The following C3orf18 variants were observed in gnomAD, a reference collection of about 807,000 sequenced individuals.
C3orf18 encodes uncharacterized protein C3orf18.
In C3orf18, 12 loss-of-function variants were observed where a neutral mutation model predicts 14.1. The observed-to-expected ratio is 0.85, with a 90% CI of 0.55 to 1.38. The LOEUF (loss-of-function observed/expected upper bound fraction) is 1.38, where lower values mean the gene tolerates loss of function less well. Ranked by LOEUF, C3orf18 falls within the 40% of genes most tolerant of loss-of-function variation. C3orf18 has a pLI of 0.00. For missense variants in C3orf18, 196 were observed against 213.9 expected, an observed-to-expected ratio of 0.92 and a Z score of 0.52; for synonymous variants, 82 against 87.9, an observed-to-expected ratio of 0.93 and a Z score of 0.38.
At chr3:50,560,858 G>C in intron 5 of C3orf18, 59 bp downstream of exon 5, 1 of 1,526,928 alleles carries the variant, frequency 6.5e-7, no homozygotes, top group Non-Finnish European at 8.9e-7. Context: ...AAGGAGGGAG[G>C]GTGAGGGTGG....
At chr3:50,572,303 C>A (rs1265037926), upstream of C3orf18, 3 of 1,399,622 alleles carry the variant, frequency 2.1e-6, no homozygotes, top group East Asian at 2.5e-5. Context: ...CACTGGGGCC[C>A]CATGACTTCA....
intron 3 of C3orf18, chr3:50,562,275 G>A (rs1054019503): frequency 1.1e-5 from 3 of 262,588 alleles, no homozygotes; most frequent in East Asian, 2.2e-4. Context: ...CCTCCAGCCT[G>A]GGAGCCCACA....
upstream of C3orf18, chr3:50,570,989 C>T (rs192895909): frequency 4.8e-4 from 352 of 726,054 alleles, 5 homozygotes; most frequent in East Asian, 0.01. Context: ...AGCTTGTGAC[C>T]TCTCCATCTC....
chr3:50,564,417 C>T (rs1336448770), intron 3 of C3orf18, among the ~76,000 whole-genome samples: 1 of 152,162 alleles, frequency 6.6e-6, no homozygotes, highest in Admixed American at 6.5e-5. Context: ...CTCTCCCCAG[C>T]CCCCTTCCTT....
chr3:50,558,951 G>C lies in C3orf18; in HGVS notation c.*706C>G, dbSNP rs1699806556. On this transcript the variant is annotated 3_prime_UTR_variant, in exon 6 of 6. Coordinates refer to ENST00000357203, the MANE Select transcript of C3orf18 (RefSeq NM_016210.5). ...TGCATGAGGCCTCTCGGCAGGTCTG[G>C]GGGGGCTGCATCCTTCCACTTCCAT... The C allele has an allele frequency of 3.9e-6, 5 of 1,287,544 alleles. No individual in the cohort carries two copies. The highest frequency in any genetic ancestry group is 3.7e-5 in the South Asian group (3 of 80,862). 79.8% of individuals were successfully genotyped at this position (1,287,544 alleles called of 1,614,324 possible). A position where few individuals can be genotyped will look rare whatever the true frequency, so the allele number is the denominator to read the frequency against.
At position 50,558,923 on chromosome 3, in the gene C3orf18, A is replaced by C. The variant is rs1436209345; in HGVS notation, c.*734T>G. The C allele has an allele frequency of 7.8e-7, 1 of 1,288,502 alleles. No individual in the cohort carries two copies. The highest frequency in any genetic ancestry group is 1.0e-6 in the Non-Finnish European group (1 of 987,968). 79.8% of individuals were successfully genotyped at this position (1,288,502 alleles called of 1,614,324 possible). On this transcript the variant is annotated 3_prime_UTR_variant, in exon 6 of 6. Coordinates refer to ENST00000357203, the MANE Select transcript of C3orf18 (RefSeq NM_016210.5). ...TGTCTGCCCATGGGCACACTCATGC[A>C]CATGCATGAGGCCTCTCGGCAGGTC... is the stretch of plus-strand genomic sequence containing the variant.
chr3:50,563,257 G>A (rs1387145157), intron 3 of C3orf18, among the ~76,000 whole-genome samples: 6 of 152,058 alleles, frequency 3.9e-5, no homozygotes, highest in Non-Finnish European at 5.9e-5. Flanking sequence ...GGTAGGCTGT[G>A]ACAGGAACTC....
upstream of C3orf18, chr3:50,571,820 G>C: frequency 2.5e-6 from 4 of 1,607,104 alleles, no homozygotes; most frequent in Non-Finnish European, 3.4e-6. Context: ...CCATGGATCA[G>C]ACCTGAAGGA....
upstream of C3orf18, chr3:50,570,607 G>C (rs1230490177): frequency 6.6e-6 from 1 of 152,532 alleles, no homozygotes; most frequent in Non-Finnish European, 1.5e-5. Flanking sequence ...TATGGATTAA[G>C]AAAGTGAAAA....
rs1700261253 is a variant in C3orf18 at position 50,565,857 on chromosome 3, G to C, written c.-158C>G. 1 of 605,132 alleles carries C rather than the reference G, an allele frequency of 1.7e-6. No individual in the cohort carries two copies. The highest frequency in any genetic ancestry group is 2.9e-6 in the Non-Finnish European group (1 of 341,268). The allele number at this position is 605,132 out of a possible 1,614,324, so 37.5% of individuals were successfully genotyped here. On this transcript the variant is annotated 5_prime_UTR_variant, in exon 3 of 6. Coordinates refer to ENST00000357203, the MANE Select transcript of C3orf18 (RefSeq NM_016210.5). The surrounding 1 kb of genome is among the most constrained non-coding windows in gnomAD (Gnocchi z 4.4). ...GATAAAGGGAGCCCCCTGCCTTCCT[G>C]GGTGCTAGAAAGGAAAGAATAAGAA... is the stretch of plus-strand genomic sequence containing the variant.
upstream of C3orf18, among the ~76,000 whole-genome samples, chr3:50,568,986 G>T (rs1393310155): frequency 6.6e-6 from 1 of 152,230 alleles, no homozygotes; most frequent in Non-Finnish European, 1.5e-5. Context: ...TCGGGCCACT[G>T]ACCTCGGTAG....
At chr3:50,574,155 C>T (rs1392544528), upstream of C3orf18, among the ~76,000 whole-genome samples, 1 of 152,218 alleles carries the variant, frequency 6.6e-6, no homozygotes. Context: ...TCACCTCTTT[C>T]CCGCATGCGT....
intron 4 of C3orf18, 90 bp downstream of exon 4, chr3:50,561,632 C>A: frequency 7.6e-7 from 1 of 1,320,752 alleles, no homozygotes; most frequent in South Asian, 1.2e-5. Context: ...ACTCCCTGAT[C>A]AGCTTTTCAC....
intron 5 of C3orf18, among the ~76,000 whole-genome samples, 190 bp downstream of exon 5, chr3:50,560,727 C>A (rs990697164): frequency 6.6e-6 from 1 of 152,230 alleles, no homozygotes; most frequent in South Asian, 2.1e-4. Context: ...CCTGGCCTTG[C>A]GCTGTGAGTT....
In C3orf18 at chr3:50,565,466, C is replaced by T; in HGVS notation, c.234G>A (p.Leu78=). The T allele has an allele frequency of 6.2e-7, 1 of 1,612,122 alleles. No individual in the cohort carries two copies. The highest frequency in any genetic ancestry group is 2.2e-5 in the East Asian group (1 of 44,850). The change falls in exon 3 of 6, where the codon TTG becomes TTA. Residue 78 remains leucine, a splice_region_variant and synonymous_variant. Transcript: ENST00000357203. This position sits in a 1 kb window ranked among gnomAD's most constrained non-coding sequence, Gnocchi z 4.4. ...TCCCCCAGCCTACCCCAGCTCTCAC[C>T]AAGGCCACAGCCAGGCCTATCACCG... ...IITVIGLAVA[L]VLYIRKKKRL...
intron 4 of C3orf18, among the ~76,000 whole-genome samples, chr3:50,561,276 C>T (rs1012029101): frequency 6.6e-6 from 1 of 152,256 alleles, no homozygotes. Flanking sequence ...GCAGCAGTTA[C>T]CCACTCCAGG....
chr3:50,566,246 GA>G (rs972291064), intron 1 of C3orf18, among the ~76,000 whole-genome samples, 152 bp from the exon 2 acceptor site: 13 of 151,680 alleles, frequency 8.6e-5, no homozygotes, highest in Admixed American at 3.3e-4. Flanking sequence ...CTGCTTGGGG[GA>G]AAAAATACCA....
chr3:50,571,336 A>G (rs1700929293), upstream of C3orf18: 1 of 1,574,796 alleles, frequency 6.4e-7, no homozygotes. Context: ...CAAAACAGTT[A>G]AGTTTAGTGT....
At chr3:50,568,126 C>T (rs1700481510), upstream of C3orf18, among the ~76,000 whole-genome samples, 1 of 152,198 alleles carries the variant, frequency 6.6e-6, no homozygotes, top group East Asian at 1.9e-4. Context: ...TTTTCCCTTC[C>T]TGAACCTTGG....
Sources: gnomAD v4.1 joint callset for allele counts (sites outside exome capture counted in the v4.1 genomes callset) on GRCh38, gnomAD v4.1.1 for gene constraint, Gnocchi (gnomAD v3.1) non-coding constraint, MANE v1.5 for transcripts, NCBI Gene and HGNC (gene_info 2026-07-23, HGNC 2026-07-21) for gene names.